Variants in PMF1 observed in about 807,000 individuals in gnomAD.
The protein encoded by PMF1 is polyamine-modulated factor 1.
In PMF1, 21 loss-of-function variants were observed where a neutral mutation model predicts 26.7. That is an observed-to-expected ratio of 0.79 (90% CI 0.56 to 1.13). The LOEUF is 1.13. Ranked by LOEUF, PMF1 falls within the 50% of genes most tolerant of loss-of-function variation. The probability of loss-of-function intolerance (pLI) is 0.00; values close to 1 mark genes in which losing one functional copy is unlikely to be tolerated. For missense variants in PMF1, 266 were observed against 254.9 expected (o/e 1.04, Z -0.30); for synonymous variants, 105 against 101.0 (o/e 1.04, Z -0.24).
intron 1 of PMF1, among the ~76,000 whole-genome samples, chr1:156,228,903 GTTTTTA>G (rs1658538643): frequency 6.6e-6 from 1 of 152,020 alleles, no homozygotes; most frequent in African/African-American, 2.4e-5. Flanking sequence ...GTACAGTATT[GTTTTTA>G]TTTTTGTTTT....
intron 3 of PMF1, among the ~76,000 whole-genome samples, chr1:156,235,840 T>A (rs934786415): frequency 1.3e-5 from 2 of 152,128 alleles, no homozygotes; most frequent in Non-Finnish European, 2.9e-5. Flanking sequence ...CAGCCAACAC[T>A]TATGGGGGCC....
Position 156,222,393 on chromosome 1 carries a change from T to C in PMF1, c.161+9217T>C, listed in dbSNP as rs999564700. On this transcript the variant is annotated intron_variant, in intron 1 of 4. Coordinates refer to ENST00000368277, the MANE Select transcript of PMF1 (RefSeq NM_007221.4). The stretch of plus-strand genomic sequence containing the variant: ...ATATATGAATACATACTTTTTTTTT[T>C]CTTTTTGAGATGGAGTTTCGCTCTT... Among the ~76,000 whole-genome samples the C allele has an allele frequency of 3.3e-5, 5 of 152,078 alleles. No individual in the cohort carries two copies. In the East Asian group the frequency reaches 9.7e-4, roughly 29 times the overall value.
chr1:156,228,256 A>ATATTT (rs1658488901), intron 1 of PMF1, among the ~76,000 whole-genome samples: 1 of 33,546 alleles, frequency 3.0e-5, no homozygotes, highest in Non-Finnish European at 5.7e-5. Context: ...GCACCTGGCG[A>ATATTT]TTTTTTTTTT....
intron 1 of PMF1, among the ~76,000 whole-genome samples, chr1:156,227,932 T>C (rs1658461996): frequency 7.7e-6 from 1 of 130,576 alleles, no homozygotes; most frequent in Non-Finnish European, 1.6e-5. Flanking sequence ...CACCTGACTA[T>C]GATTTTTTTT....
chr1:156,227,986 G>A (rs1658467687), intron 1 of PMF1, among the ~76,000 whole-genome samples: 1 of 146,158 alleles, frequency 6.8e-6, no homozygotes, highest in Admixed American at 7.0e-5. Context: ...CCACACTGGG[G>A]TGCAATGGCA....
intron 1 of PMF1, chr1:156,220,995 AG>A (rs1658051461): frequency 6.6e-6 from 1 of 152,140 alleles, no homozygotes. Flanking sequence ...CTTTCCTTGT[AG>A]GCTTTGACAT....
intron 1 of PMF1, among the ~76,000 whole-genome samples, chr1:156,225,846 A>G (rs1450776206): frequency 6.6e-6 from 1 of 152,166 alleles, no homozygotes; most frequent in Non-Finnish European, 1.5e-5. Flanking sequence ...ATTTATTTAA[A>G]TATTTTTATT....
intron 1 of PMF1, among the ~76,000 whole-genome samples, chr1:156,216,764 G>A (rs1455508659): frequency 2.0e-5 from 3 of 151,994 alleles, no homozygotes; most frequent in Non-Finnish European, 4.4e-5. Context: ...AGGCGTTCTC[G>A]TCTCCGCTGG....
chr1:156,238,080 T>C (rs1410090642), intron 4 of PMF1, among the ~76,000 whole-genome samples: 1 of 152,218 alleles, frequency 6.6e-6, no homozygotes, highest in Non-Finnish European at 1.5e-5. Flanking sequence ...CGACAATCAG[T>C]TGGCCATAAG....
At chr1:156,226,614 T>A (rs1658383177) in intron 1 of PMF1, among the ~76,000 whole-genome samples, 1 of 152,254 alleles carries the variant, frequency 6.6e-6, no homozygotes, top group African/African-American at 2.4e-5. Context: ...ACATGAAGCA[T>A]TTCAATGTGC....
chr1:156,234,236 G>C (rs535755243), intron 3 of PMF1, among the ~76,000 whole-genome samples: 2 of 152,232 alleles, frequency 1.3e-5, no homozygotes, highest in Admixed American at 1.3e-4. Context: ...TTCAGGGGAG[G>C]AGAGCCCCAG....
In PMF1 at chr1:156,231,043, C is replaced by T. The variant is rs750956013; in HGVS notation, c.162-1277C>T. 7.7e-4 allele frequency among the ~76,000 whole-genome samples: 116 copies of T among 151,608 alleles called. 4 individuals carry two copies. The highest frequency in any genetic ancestry group is 3.9e-4 in the Admixed American group (6 of 15,202). On this transcript the variant is annotated intron_variant, in intron 1 of 4. Coordinates refer to ENST00000368277, the MANE Select transcript of PMF1 (RefSeq NM_007221.4). ...ATCCTAGCTAACACGGTGAAACCCC[C>T]GTCTCTACTAAAAATACAGAAAAAT...
At chr1:156,228,209 G>A (rs1007789913) in intron 1 of PMF1, among the ~76,000 whole-genome samples, 1 of 140,472 alleles carries the variant, frequency 7.1e-6, no homozygotes, top group African/African-American at 2.7e-5. Context: ...GCCCGCCTCG[G>A]CCTCCCAAAG....
rs976060825 is a variant in PMF1, at chr1:156,239,963, T to A, written c.*362T>A. ...GAATCTGTTTTCAATCTCCACTGATTGCCCCCTTGCTGGCCAGCCCAGGGG... is the reference window on the plus strand; with the variant it reads ...GAATCTGTTTTCAATCTCCACTGATAGCCCCCTTGCTGGCCAGCCCAGGGG... On this transcript the variant is annotated 3_prime_UTR_variant, in exon 5 of 5. Coordinates refer to ENST00000368277, the MANE Select transcript of PMF1 (RefSeq NM_007221.4). 2 of 248,860 alleles carry A rather than the reference T, an allele frequency of 8.0e-6. No individual in the cohort carries two copies. The highest frequency in any genetic ancestry group is 1.6e-5 in the Non-Finnish European group (2 of 128,910). 15.4% of individuals were successfully genotyped at this position (248,860 alleles called of 1,614,324 possible).
At chr1:156,221,565 C>T (rs1228172753) in intron 1 of PMF1, among the ~76,000 whole-genome samples, 1 of 152,170 alleles carries the variant, frequency 6.6e-6, no homozygotes, top group Non-Finnish European at 1.5e-5. Flanking sequence ...ATTCTCTATT[C>T]TTCACTCATC....
In PMF1 at chr1:156,239,653, T is replaced by A; in HGVS notation, c.*52T>A. 1.3e-6 allele frequency: 2 copies of A among 1,500,460 alleles called. No homozygotes were observed. Among genetic ancestry groups the A allele is most frequent in the Middle Eastern group, 2.4e-4 (1 of 4,210 alleles). 92.9% of individuals were successfully genotyped at this position (1,500,460 alleles called of 1,614,324 possible). A position where few individuals can be genotyped will look rare whatever the true frequency, so the allele number is the denominator to read the frequency against. ...GGCAGTCAAGGTCAAGAGCCTGTGG[T>A]CCAGCATGCCTGGCCTGGGCGGGCT... On this transcript the variant is annotated 3_prime_UTR_variant, in exon 5 of 5. Coordinates refer to ENST00000368277, the MANE Select transcript of PMF1 (RefSeq NM_007221.4).
intron 4 of PMF1, among the ~76,000 whole-genome samples, chr1:156,237,815 G>C (rs1190030429): frequency 6.6e-6 from 1 of 152,130 alleles, no homozygotes; most frequent in East Asian, 1.9e-4. Context: ...GGAGTGCAGT[G>C]ACATGATCTT....
chr1:156,218,029 G>A (rs979963224), intron 1 of PMF1, among the ~76,000 whole-genome samples: 4 of 152,158 alleles, frequency 2.6e-5, no homozygotes, highest in Admixed American at 6.5e-5. Flanking sequence ...CCTTCTCACC[G>A]TCACTGGGTT....
chr1:156,225,558 T>G (rs879205291), intron 1 of PMF1: 1 of 1,537,818 alleles, frequency 6.5e-7, no homozygotes. Context: ...TGTTCTCAGC[T>G]CTCCACTCCT....
Sources: gnomAD v4.1 joint callset for allele counts (sites outside exome capture counted in the v4.1 genomes callset) on GRCh38, gnomAD v4.1.1 for gene constraint, MANE v1.5 for transcripts, NCBI Gene and HGNC (gene_info 2026-07-23, HGNC 2026-07-21) for gene names.